Variants in RIMS2 observed in about 807,000 individuals in gnomAD.
RIMS2 encodes regulating synaptic membrane exocytosis protein 2.
Under a neutral mutation model 174.4 loss-of-function variants are expected in RIMS2, and 59 were observed. The ratio of observed to expected loss-of-function variants is 0.34; its 90% CI spans 0.27 to 0.42. The LOEUF (loss-of-function observed/expected upper bound fraction) is 0.42. Ranked by LOEUF, RIMS2 falls within the 10% of genes least tolerant of loss-of-function variation. RIMS2 has a pLI of 1.00. For synonymous variants in RIMS2, 606 were observed against 572.5 expected, an observed-to-expected ratio of 1.06 and a Z score of -0.84; for missense variants, 1,620 against 1,666.3, an observed-to-expected ratio of 0.97 and a Z score of 0.48.
chr8:103,860,057 A>T (rs899593145), intron 3 of RIMS2, among the ~76,000 whole-genome samples: 2 of 152,166 alleles, frequency 1.3e-5, no homozygotes, highest in Admixed American at 1.3e-4. Context: ...CATAGGTCTA[A>T]TCAACATCAT....
intron 2 of RIMS2, among the ~76,000 whole-genome samples, chr8:103,747,247 C>A (rs548611962): frequency 7.9e-6 from 1 of 126,492 alleles, no homozygotes; most frequent in South Asian, 3.2e-4. Flanking sequence ...CCCCCCTCCC[C>A]CCACCCCACA....
At chr8:103,832,240 A>G (rs1171178614) in intron 3 of RIMS2, among the ~76,000 whole-genome samples, 1 of 152,154 alleles carries the variant, frequency 6.6e-6, no homozygotes, top group South Asian at 2.1e-4. Flanking sequence ...TTTGCCTTTT[A>G]CATAGAGTAT....
chr8:104,233,757 G>A (rs2139410316), intron 19 of RIMS2, among the ~76,000 whole-genome samples: 1 of 152,268 alleles, frequency 6.6e-6, no homozygotes, highest in East Asian at 1.9e-4. Context: ...AAATTCAGTA[G>A]GCTTACAGTC....
intron 1 of RIMS2, among the ~76,000 whole-genome samples, chr8:103,682,495 G>A (rs904347245): frequency 2.0e-5 from 3 of 152,116 alleles, no homozygotes; most frequent in African/African-American, 7.2e-5. Context: ...GGAAGCCATT[G>A]ATAAATTTAG....
intron 2 of RIMS2, among the ~76,000 whole-genome samples, chr8:103,742,610 A>AT (rs1163199188): frequency 6.6e-6 from 1 of 152,162 alleles, no homozygotes; most frequent in Non-Finnish European, 1.5e-5. Flanking sequence ...AGTGAGCAAT[A>AT]TTAATTTATA....
intron 3 of RIMS2, among the ~76,000 whole-genome samples, chr8:103,878,263 T>A (rs1416143592): frequency 1.3e-5 from 2 of 151,888 alleles, no homozygotes; most frequent in Admixed American, 1.3e-4. Context: ...CCTCTTTCCT[T>A]TTTAAATTAC....
At chr8:104,061,240 TG>T (rs1443041361) in intron 19 of RIMS2, among the ~76,000 whole-genome samples, 2 of 152,190 alleles carry the variant, frequency 1.3e-5, no homozygotes, top group African/African-American at 4.8e-5. Context: ...ACTTGCTTTA[TG>T]AATCTGGGTG....
At chr8:104,079,212 CAA>C (rs925375410) in intron 19 of RIMS2, among the ~76,000 whole-genome samples, 3 of 151,818 alleles carry the variant, frequency 2.0e-5, no homozygotes, top group African/African-American at 4.8e-5. Flanking sequence ...TAAAAACTGA[CAA>C]AGAGAGAATT....
intron 19 of RIMS2, among the ~76,000 whole-genome samples, chr8:104,170,840 G>T (rs1300326470): frequency 6.6e-6 from 1 of 151,898 alleles, no homozygotes; most frequent in Non-Finnish European, 1.5e-5. Flanking sequence ...ATTTCTTGTC[G>T]TGCTAGTTTG....
At chr8:103,545,276 C>A (rs1340528720) in intron 1 of RIMS2, among the ~76,000 whole-genome samples, 1 of 152,014 alleles carries the variant, frequency 6.6e-6, no homozygotes, top group Non-Finnish European at 1.5e-5. Context: ...GAAAGAATCT[C>A]AGAGGTGAAA....
intron 3 of RIMS2, among the ~76,000 whole-genome samples, chr8:103,860,686 A>G (rs1334601181): frequency 6.6e-6 from 1 of 152,126 alleles, no homozygotes. Flanking sequence ...AAAAAAAAGT[A>G]TGTGGGAAAA....
chr8:103,915,114 A>C (rs2076413440), intron 6 of RIMS2, among the ~76,000 whole-genome samples: 1 of 152,096 alleles, frequency 6.6e-6, no homozygotes, highest in Non-Finnish European at 1.5e-5. Flanking sequence ...AAAGAAACAA[A>C]AATTTTGTAT....
At chr8:104,073,126 CAGTGT>C (rs2097222579) in intron 19 of RIMS2, among the ~76,000 whole-genome samples, 1 of 152,006 alleles carries the variant, frequency 6.6e-6, no homozygotes, top group Admixed American at 6.6e-5. Context: ...TTAAGTTTAA[CAGTGT>C]AAATTATGGT....
intron 3 of RIMS2, among the ~76,000 whole-genome samples, chr8:103,840,216 C>G (rs2098931325): frequency 6.6e-6 from 1 of 152,134 alleles, no homozygotes; most frequent in Non-Finnish European, 1.5e-5. Flanking sequence ...TGAACATACC[C>G]TATCAAGCAA....
At chr8:103,790,763 A>C (rs72679498) in intron 3 of RIMS2, among the ~76,000 whole-genome samples, 17,646 of 152,226 alleles carry the variant, frequency 0.12, 1,365 homozygotes, top group Non-Finnish European at 0.17. Flanking sequence ...TATATTTAAA[A>C]GGCCCTTTCT....
chr8:104,061,767 A>G (rs968844170), intron 19 of RIMS2, among the ~76,000 whole-genome samples: 1 of 151,866 alleles, frequency 6.6e-6, no homozygotes, highest in Non-Finnish European at 1.5e-5. Flanking sequence ...TTTTTTATGG[A>G]TGCATTGTAT....
intron 19 of RIMS2, among the ~76,000 whole-genome samples, chr8:104,213,494 A>G (rs79292963): frequency 6.6e-6 from 1 of 152,210 alleles, no homozygotes; most frequent in Non-Finnish European, 1.5e-5. Flanking sequence ...AAAAGCAGTC[A>G]TTCCCGTTTG....
At chr8:103,843,201 T>C (rs2098950415) in intron 3 of RIMS2, among the ~76,000 whole-genome samples, 1 of 152,208 alleles carries the variant, frequency 6.6e-6, no homozygotes, top group African/African-American at 2.4e-5. Flanking sequence ...TCAACATATT[T>C]TCATGAGAAT....
chr8:103,863,648 A>T lies in RIMS2; in HGVS notation c.699-21650A>T, dbSNP rs535084558. 3.8e-4 allele frequency among the ~76,000 whole-genome samples: 58 copies of T among 151,450 alleles called. 1 individual carries two copies. The South Asian group carries it at 0.011, about 30-fold the overall frequency. ...ATTATTCATTTCTGGTCTGTTCAGGATTTAATTTCTTCTGGGATCTTAGGA... is the reference window on the plus strand; with the variant it reads ...ATTATTCATTTCTGGTCTGTTCAGGTTTTAATTTCTTCTGGGATCTTAGGA... On this transcript the variant is annotated intron_variant, in intron 3 of 23. Transcript: ENST00000504942.
Sources: allele counts gnomAD v4.1 joint callset (sites outside exome capture counted in the v4.1 genomes callset), GRCh38; gene constraint gnomAD v4.1.1; transcripts MANE v1.5; gene names NCBI Gene and HGNC (gene_info 2026-07-23, HGNC 2026-07-21).